The following ETNK1 variants were observed in gnomAD, a reference collection of about 807,000 sequenced individuals.
ETNK1 encodes the protein putative protein product of Nbla10396.
ETNK1 carries 8 observed loss-of-function variants against 45.1 expected under a neutral mutation model. That is an observed-to-expected ratio of 0.18 (90% CI 0.10 to 0.32). The LOEUF is 0.32. Ranked by LOEUF, ETNK1 falls within the 10% of genes least tolerant of loss-of-function variation. The pLI is 1.00. For missense variants in ETNK1, 302 were observed against 430.6 expected, an observed-to-expected ratio of 0.70 and a Z score of 2.64; for synonymous variants, 152 against 151.9, an observed-to-expected ratio of 1.00 and a Z score of -0.01.
intron 1 of ETNK1, among the ~76,000 whole-genome samples, chr12:22,636,583 T>C (rs1953657925): frequency 6.6e-6 from 1 of 152,228 alleles, no homozygotes; most frequent in African/African-American, 2.4e-5. Context: ...CTTCCTTCTC[T>C]ATGTCTTTTG....
intron 1 of ETNK1, among the ~76,000 whole-genome samples, chr12:22,641,929 TA>T (rs1953743971): frequency 6.6e-6 from 1 of 152,158 alleles, no homozygotes; most frequent in African/African-American, 2.4e-5. Context: ...TTGTATTGAG[TA>T]ATCATATCTG....
chr12:22,684,764 A>T (rs1367443046), intron 7 of ETNK1, 118 bp from the exon 8 acceptor site: 1 of 855,418 alleles, frequency 1.2e-6, no homozygotes, highest in African/African-American at 1.7e-5. Context: ...AACTAAAAAT[A>T]TGTCCTTTGA....
chr12:22,656,489 T>A, intron 2 of ETNK1: 3 of 985,340 alleles, frequency 3.0e-6, no homozygotes, highest in South Asian at 4.7e-5. Flanking sequence ...CATTTCCAAA[T>A]AACTGCAGCA....
At chr12:22,671,157 A>C in intron 4 of ETNK1, 115 bp from the exon 5 acceptor site, 1 of 773,804 alleles carries the variant, frequency 1.3e-6, no homozygotes. Flanking sequence ...AAGTGCATGT[A>C]ATCAAGCACG....
chr12:22,656,695 A>G (rs1022004693), intron 2 of ETNK1: 1 of 985,150 alleles, frequency 1.0e-6, no homozygotes, highest in African/African-American at 1.7e-5. Context: ...GCAAAGGGGA[A>G]AATTACGTTT....
At chr12:22,656,353 T>C (rs766929675) in intron 2 of ETNK1, 13 of 957,870 alleles carry the variant, frequency 1.4e-5, no homozygotes, top group Non-Finnish European at 1.6e-5. Context: ...AAAAGTATTA[T>C]AGTTGTCTGA....
chr12:22,665,283 C>T lies in ETNK1; in HGVS notation c.700+4078C>T, dbSNP rs546753660. Among the ~76,000 whole-genome samples the T allele has an allele frequency of 2.0e-5, 3 of 152,138 alleles. No individual in the cohort carries two copies. In the South Asian group the frequency reaches 6.2e-4, roughly 32 times the overall value. On this transcript the variant is annotated intron_variant, in intron 4 of 7. Coordinates refer to ENST00000266517, the MANE Select transcript of ETNK1 (RefSeq NM_018638.5). ...GGGAAAAAATTTGGATTTCTTGGCC[C>T]CACCCATGACCAATTACAAAATAAT... is the stretch of plus-strand genomic sequence containing the variant.
chr12:22,682,382 C>T (rs1318594133), intron 6 of ETNK1: 2 of 367,266 alleles, frequency 5.4e-6, no homozygotes, highest in Non-Finnish European at 1.1e-5. Context: ...CTGCCAAATA[C>T]TCAAGTCTGA....
At chr12:22,651,595 G>T (rs1953875618) in intron 2 of ETNK1, among the ~76,000 whole-genome samples, 1 of 151,106 alleles carries the variant, frequency 6.6e-6, no homozygotes, top group African/African-American at 2.4e-5. Context: ...AAAAAATACA[G>T]CTCAATAGTG....
intron 1 of ETNK1, among the ~76,000 whole-genome samples, chr12:22,637,318 T>C (rs1953669002): frequency 6.6e-6 from 1 of 152,194 alleles, no homozygotes. Context: ...TGTCTGGTTT[T>C]TATTTGTGGG....
chr12:22,666,138 G>A (rs1954052052), intron 4 of ETNK1, among the ~76,000 whole-genome samples: 1 of 152,134 alleles, frequency 6.6e-6, no homozygotes. Context: ...CTCAGGACAT[G>A]GGAGAAGAGT....
intron 4 of ETNK1, among the ~76,000 whole-genome samples, chr12:22,669,712 A>G (rs1954088586): frequency 6.6e-6 from 1 of 152,100 alleles, no homozygotes; most frequent in South Asian, 2.1e-4. Context: ...TTTGTGGAAT[A>G]ATGTTCTGTG....
intron 6 of ETNK1, among the ~76,000 whole-genome samples, chr12:22,682,651 T>G (rs1954224369): frequency 6.6e-6 from 1 of 152,184 alleles, no homozygotes; most frequent in African/African-American, 2.4e-5. Context: ...AGGACATTCT[T>G]TAGTGACATT....
chr12:22,665,206 T>G (rs916412349), intron 4 of ETNK1, among the ~76,000 whole-genome samples: 3 of 152,190 alleles, frequency 2.0e-5, no homozygotes, highest in African/African-American at 7.2e-5. Context: ...TATGTCTTTA[T>G]GTAAACACAG....
chr12:22,625,232 T>G lies in ETNK1; in HGVS notation c.-199T>G. 1 of 1,611,988 alleles carries G rather than the reference T, an allele frequency of 6.2e-7. No individual in the cohort carries two copies. Among genetic ancestry groups the G allele is most frequent in the Non-Finnish European group, 8.5e-7 (1 of 1,179,494 alleles). ...TTCTCCGAGAGCGGGCCGGGCTCAGTTCAGCTGCTGTCCAGACCCGGATCG... is the reference window on the plus strand; with the variant it reads ...TTCTCCGAGAGCGGGCCGGGCTCAGGTCAGCTGCTGTCCAGACCCGGATCG... On this transcript the variant is annotated 5_prime_UTR_variant, in exon 1 of 8. Transcript: ENST00000266517.
Position 22,685,067 on chromosome 12 carries a change from C to G in ETNK1, c.*113C>G. On this transcript the variant is annotated 3_prime_UTR_variant, in exon 8 of 8. Transcript: ENST00000266517. ...TCTGTTGTTTAATTTGGTTATCTTG[C>G]TTTATAAATTATGCCTCTAAACAAT... 1 of 715,520 alleles carries G rather than the reference C, an allele frequency of 1.4e-6. No individual in the cohort carries two copies. The highest frequency in any genetic ancestry group is 2.2e-6 in the Non-Finnish European group (1 of 445,144). The allele number at this position is 715,520 out of a possible 1,614,324, so 44.3% of individuals were successfully genotyped here. A position where few individuals can be genotyped will look rare whatever the true frequency, so the allele number is the denominator to read the frequency against.
At chr12:22,661,017 G>GA in intron 3 of ETNK1, 46 bp from the exon 4 acceptor site, 1 of 1,550,134 alleles carries the variant, frequency 6.5e-7, no homozygotes. Context: ...AATCAAACTT[G>GA]AAAAAAATGT....
At chr12:22,634,178 T>C (rs984858575) in intron 1 of ETNK1, among the ~76,000 whole-genome samples, 1 of 152,154 alleles carries the variant, frequency 6.6e-6, no homozygotes, top group Non-Finnish European at 1.5e-5. Context: ...CCAAATGTTT[T>C]TTCTGCATTT....
At chr12:22,674,829 G>T (rs1300289909) in intron 6 of ETNK1, among the ~76,000 whole-genome samples, 1 of 152,172 alleles carries the variant, frequency 6.6e-6, no homozygotes, top group Admixed American at 6.5e-5. Flanking sequence ...TACTGTGACT[G>T]TATCTGTACA....
Sources: allele counts gnomAD v4.1 joint callset (sites outside exome capture counted in the v4.1 genomes callset), GRCh38; gene constraint gnomAD v4.1.1; transcripts MANE v1.5; gene names NCBI Gene and HGNC (gene_info 2026-07-23, HGNC 2026-07-21).